The following ZNF423 variants were observed in gnomAD, a reference collection of about 807,000 sequenced individuals.
ZNF423 encodes the protein zinc finger protein 423, also known as Ebf-associated zinc finger protein.
ZNF423 carries 12 observed loss-of-function variants against 95.8 expected under a neutral mutation model. That is an observed-to-expected ratio of 0.13 (90% confidence interval 0.08 to 0.20). ZNF423 has a LOEUF of 0.20. Ranked by LOEUF, ZNF423 falls within the 10% of genes least tolerant of loss-of-function variation. The pLI, the probability that ZNF423 is intolerant of heterozygous loss-of-function variation, is 1.00. For synonymous variants in ZNF423, 749 were observed against 711.9 expected (o/e 1.05, Z -0.83); for missense variants, 1,316 against 1,737.1 (o/e 0.76, Z 4.31).
chr16:49,684,974 C>G (rs1249587426), intron 3 of ZNF423, among the ~76,000 whole-genome samples: 3 of 152,320 alleles, frequency 2.0e-5, no homozygotes, highest in Non-Finnish European at 4.4e-5. Context: ...GCACGCGAAC[C>G]ACCAACACCG....
At chr16:49,633,700 C>T (rs562555847) in intron 4 of ZNF423, among the ~76,000 whole-genome samples, 3 of 152,196 alleles carry the variant, frequency 2.0e-5, no homozygotes, top group East Asian at 3.9e-4. Context: ...GGGGACAGAG[C>T]GGGGCAGCAG....
chr16:49,830,338 G>T (rs989706767), intron 1 of ZNF423, among the ~76,000 whole-genome samples: 2 of 152,164 alleles, frequency 1.3e-5, no homozygotes, highest in Non-Finnish European at 2.9e-5. Context: ...ACATGAGGGA[G>T]ATGCTCCGGA....
chr16:49,858,282 C>A (rs138219060), upstream of ZNF423, among the ~76,000 whole-genome samples: 109 of 150,192 alleles, frequency 7.3e-4, 5 homozygotes, highest in Admixed American at 6.6e-5. This position sits in a 1 kb window ranked among gnomAD's most constrained non-coding sequence, Gnocchi z 4.3. Flanking sequence ...CCCCGCCGCT[C>A]CCCAGCCTGC....
intron 2 of ZNF423, among the ~76,000 whole-genome samples, chr16:49,783,200 G>A (rs1177828394): frequency 6.6e-6 from 1 of 152,066 alleles, no homozygotes; most frequent in Non-Finnish European, 1.5e-5. Context: ...GGCTGGGATG[G>A]GCGGGAGAGA....
rs568511513 is a variant in ZNF423, at chr16:49,637,827, G to A, written c.1349C>T (p.Thr450Ile). The A allele has an allele frequency of 1.2e-6, 2 of 1,614,218 alleles. No homozygotes were observed. Among genetic ancestry groups the A allele is most frequent in the Admixed American group, 1.7e-5 (1 of 60,030 alleles). Residue 450 changes from threonine (T) to isoleucine (I), a missense_variant, in exon 4 of 8, where the codon ACA becomes ATA. Transcript: ENST00000563137. The surrounding 1 kb of genome is among the most constrained non-coding windows in gnomAD (Gnocchi z 5.6). The stretch of plus-strand genomic sequence containing the variant: ...CATGGAGTCCAGGCAGATCTGACAT[G>A]TGTGGCTCTGCTGGGGCTTGTCCGC... ...IHADKPQQSHTCQICLDSMPT... is the reference protein window; with the variant it reads ...IHADKPQQSHICQICLDSMPT...
At chr16:49,748,298 A>T (rs1303519410) in intron 2 of ZNF423, among the ~76,000 whole-genome samples, 1 of 152,198 alleles carries the variant, frequency 6.6e-6, no homozygotes, top group East Asian at 1.9e-4. Flanking sequence ...TTGCTGGACA[A>T]CACCAAGTTA....
chr16:49,790,449 A>G (rs989216670), intron 1 of ZNF423, among the ~76,000 whole-genome samples: 2 of 152,178 alleles, frequency 1.3e-5, no homozygotes, highest in African/African-American at 4.8e-5. Flanking sequence ...GGGGTGTCTG[A>G]GGTCTTACAG....
chr16:49,668,617 A>G (rs1287714475), intron 3 of ZNF423, among the ~76,000 whole-genome samples: 1 of 152,186 alleles, frequency 6.6e-6, no homozygotes, highest in Non-Finnish European at 1.5e-5. Context: ...GCCAAGATAC[A>G]GGGAAGGTGG....
At chr16:49,839,161 C>A (rs2035155922) in intron 1 of ZNF423, among the ~76,000 whole-genome samples, 1 of 151,740 alleles carries the variant, frequency 6.6e-6, no homozygotes, top group Non-Finnish European at 1.5e-5. Context: ...CCGTCCCCTC[C>A]CCTCATCCCA....
intron 3 of ZNF423, among the ~76,000 whole-genome samples, chr16:49,701,741 C>T (rs2032189849): frequency 6.6e-6 from 1 of 151,632 alleles, no homozygotes. Context: ...AAAGTCATTT[C>T]CCCCCTTCCC....
chr16:49,858,770 G>T (rs1567375474), upstream of ZNF423, among the ~76,000 whole-genome samples: 2 of 151,210 alleles, frequency 1.3e-5, no homozygotes, highest in Admixed American at 6.6e-5. This position sits in a 1 kb window ranked among gnomAD's most constrained non-coding sequence, Gnocchi z 4.3. Flanking sequence ...GGGCTGAACC[G>T]GGGGTGCCAA....
At chr16:49,572,473 C>T (rs1970381991) in intron 5 of ZNF423, among the ~76,000 whole-genome samples, 1 of 152,120 alleles carries the variant, frequency 6.6e-6, no homozygotes, top group South Asian at 2.1e-4. Flanking sequence ...ACTCTGGCTG[C>T]AGCACAAATT....
intron 5 of ZNF423, among the ~76,000 whole-genome samples, chr16:49,575,292 G>A (rs1420679): frequency 0.2 from 30,421 of 151,898 alleles, 3,234 homozygotes; most frequent in East Asian, 0.34. Context: ...CTGGCTCCCC[G>A]TCTCCCTGCC....
intron 3 of ZNF423, among the ~76,000 whole-genome samples, chr16:49,690,276 G>A (rs2031727877): frequency 6.6e-6 from 1 of 152,184 alleles, no homozygotes; most frequent in Non-Finnish European, 1.5e-5. Flanking sequence ...GAACTGTCAA[G>A]ATCCAAATCA....
chr16:49,737,379 C>G (rs1020141749), intron 2 of ZNF423, among the ~76,000 whole-genome samples: 7 of 152,112 alleles, frequency 4.6e-5, no homozygotes, highest in Admixed American at 4.6e-4. Context: ...AAGTGATTCT[C>G]CTGCCTCAGC....
chr16:49,816,683 C>G (rs1235767233), intron 1 of ZNF423, among the ~76,000 whole-genome samples: 1 of 151,994 alleles, frequency 6.6e-6, no homozygotes, highest in Non-Finnish European at 1.5e-5. Context: ...ACTGGGGAGG[C>G]TGAGGTGGGA....
At chr16:49,804,767 C>T (rs1176420816) in intron 1 of ZNF423, among the ~76,000 whole-genome samples, 4 of 152,182 alleles carry the variant, frequency 2.6e-5, no homozygotes, top group African/African-American at 9.7e-5. Flanking sequence ...TCAGGTAACA[C>T]ACCAACCCTG....
chr16:49,525,020 G>C lies in ZNF423; in HGVS notation c.3733+343C>G, dbSNP rs997503735. 3.3e-5 allele frequency among the ~76,000 whole-genome samples: 5 copies of C among 152,352 alleles called. No homozygotes were observed. The East Asian group carries it at 9.6e-4, about 29-fold the overall frequency. ...GTGCTGAATAGAGCTCAAGGCTCGG[G>C]GAGACAAACACAGGGCCCGGGAGGG... On this transcript the variant is annotated intron_variant, in intron 6 of 7. Coordinates refer to ENST00000563137, the MANE Select transcript of ZNF423 (RefSeq NM_001379286.1).
At chr16:49,508,302 C>T (rs8052785) in intron 7 of ZNF423, among the ~76,000 whole-genome samples, 62,983 of 151,580 alleles carry the variant, frequency 0.42, 13,555 homozygotes, top group African/African-American at 0.54. Flanking sequence ...AGTAAAATTG[C>T]TTGAGGCCAG....
Sources: gnomAD v4.1 joint callset for allele counts (sites outside exome capture counted in the v4.1 genomes callset) on GRCh38, gnomAD v4.1.1 for gene constraint, Gnocchi (gnomAD v3.1) non-coding constraint, MANE v1.5 for transcripts, NCBI Gene and HGNC (gene_info 2026-07-23, HGNC 2026-07-21) for gene names.